SCCPDH: variants seen among roughly 807,000 people sequenced by gnomAD.
The protein encoded by SCCPDH is saccharopine dehydrogenase (putative).
Under a neutral mutation model 51.5 loss-of-function variants are expected in SCCPDH, and 34 were observed. The ratio of observed to expected loss-of-function variants is 0.66; its 90% confidence interval spans 0.50 to 0.88. SCCPDH has a LOEUF of 0.88. Among genes scored for constraint, SCCPDH ranks in the 40% least tolerant of loss-of-function variants. The pLI, the probability that SCCPDH is intolerant of heterozygous loss-of-function variation, is 0.00. For missense variants in SCCPDH, 464 were observed against 527.1 expected, an observed-to-expected ratio of 0.88 and a Z score of 1.17; for synonymous variants, 187 against 191.3, an observed-to-expected ratio of 0.98 and a Z score of 0.19.
intron 9 of SCCPDH, 142 bp downstream of exon 9, chr1:246,760,369 C>T: frequency 1.5e-6 from 1 of 687,186 alleles, no homozygotes; most frequent in Non-Finnish European, 2.4e-6. Context: ...TTTTCAAACA[C>T]CCCTTGAATG....
At chr1:246,744,001 T>G in intron 4 of SCCPDH, 75 bp from the exon 5 acceptor site, 1 of 854,186 alleles carries the variant, frequency 1.2e-6, no homozygotes, top group Non-Finnish European at 1.9e-6. Flanking sequence ...TGAATACGCA[T>G]TGTTTATTAT....
rs199556011 is a variant in SCCPDH, at chr1:246,741,403, G to C, written c.514+1102G>C. ...TAACGAATGCCTGGGCTCAGGCAGT[G>C]CTCCCTCCACAACCTCCTAAGTAGC... On this transcript the variant is annotated intron_variant, in intron 4 of 11. Coordinates refer to ENST00000366510, the MANE Select transcript of SCCPDH (RefSeq NM_016002.3). Among the ~76,000 whole-genome samples the C allele has an allele frequency of 3.3e-5, 5 of 152,262 alleles. No homozygotes were observed. The East Asian group carries it at 9.7e-4, about 29-fold the overall frequency.
intron 5 of SCCPDH, among the ~76,000 whole-genome samples, chr1:246,757,432 C>T (rs573805858): frequency 2.4e-4 from 36 of 150,608 alleles, no homozygotes; most frequent in African/African-American, 8.3e-4. Flanking sequence ...ACTCGTTTCT[C>T]GGTGGCGCTA....
Position 246,732,223 on chromosome 1 carries a change from C to T in SCCPDH, c.304-3752C>T, listed in dbSNP as rs550460258. On this transcript the variant is annotated intron_variant, in intron 2 of 11. Transcript: ENST00000366510. Reference sequence around the variant, plus strand: ...ATTTGGAGATGGGGCTAGCTGGCTGCAGTATAACCAGTTAGGGCCTATTTA... The same window carrying T: ...ATTTGGAGATGGGGCTAGCTGGCTGTAGTATAACCAGTTAGGGCCTATTTA... Among the ~76,000 whole-genome samples the T allele has an allele frequency of 4.4e-4, 67 of 152,180 alleles. No homozygotes were observed. The South Asian group carries it at 5.0e-3, about 11-fold the overall frequency.
At chr1:246,740,487 A>T (rs1668660339) in intron 4 of SCCPDH, among the ~76,000 whole-genome samples, 186 bp downstream of exon 4, 1 of 152,236 alleles carries the variant, frequency 6.6e-6, no homozygotes, top group Non-Finnish European at 1.5e-5. Flanking sequence ...ACTATTGTTG[A>T]GACATGGATA....
At chr1:246,762,841 CAAAAAAAA>C (rs35066232) in intron 9 of SCCPDH, among the ~76,000 whole-genome samples, 5 of 90,940 alleles carry the variant, frequency 5.5e-5, no homozygotes, top group African/African-American at 8.3e-5. Context: ...ATTCCTTCTC[CAAAAAAAA>C]AAAAAAAAAA....
intron 1 of SCCPDH, 21 bp downstream of exon 1, chr1:246,724,633 G>C: frequency 1.4e-6 from 2 of 1,440,714 alleles, no homozygotes; most frequent in Non-Finnish European, 1.8e-6. Flanking sequence ...GGGGCGGGAC[G>C]GGGCTGCGCG....
chr1:246,745,920 A>G (rs200467946), intron 5 of SCCPDH, among the ~76,000 whole-genome samples: 1 of 151,976 alleles, frequency 6.6e-6, no homozygotes, highest in African/African-American at 2.4e-5. Context: ...CATCCTGGCT[A>G]ACACGGTGAA....
At chr1:246,743,911 T>C (rs571056965) in intron 4 of SCCPDH, among the ~76,000 whole-genome samples, 165 bp from the exon 5 acceptor site, 1 of 152,376 alleles carries the variant, frequency 6.6e-6, no homozygotes, top group East Asian at 1.9e-4. Flanking sequence ...TTCGTAAGTC[T>C]GTGTACAAAA....
intron 4 of SCCPDH, among the ~76,000 whole-genome samples, 179 bp downstream of exon 4, chr1:246,740,480 A>G (rs763686766): frequency 1.1e-4 from 17 of 152,194 alleles, no homozygotes; most frequent in Non-Finnish European, 2.2e-4. Flanking sequence ...TATTGAGACT[A>G]TTGTTGAGAC....
At chr1:246,759,906 G>C in intron 7 of SCCPDH, 51 bp from the exon 8 acceptor site, 1 of 1,567,462 alleles carries the variant, frequency 6.4e-7, no homozygotes, top group South Asian at 1.2e-5. Context: ...ATTCTTACTT[G>C]GTCCAAAATG....
intron 1 of SCCPDH, 52 bp from the exon 2 acceptor site, chr1:246,726,840 A>G: frequency 8.0e-7 from 1 of 1,247,596 alleles, no homozygotes; most frequent in South Asian, 1.2e-5. Flanking sequence ...AAGATAAGGA[A>G]GATATAATCC....
chr1:246,758,307 G>A lies in SCCPDH; in HGVS notation c.646G>A (p.Val216Ile), dbSNP rs1308663015. Residue 216 changes from valine to isoleucine, a missense_variant, in exon 6 of 12, where the codon GTA becomes ATA. By Grantham distance (29) the Val-to-Ile change is conservative. Coordinates refer to ENST00000366510, the MANE Select transcript of SCCPDH (RefSeq NM_016002.3). Reference sequence around the variant, plus strand: ...GAGTAATTTGAGAAAACTAAGAAATGTATCAAATCTGAAACCTGTCCCGCT... The same window carrying A: ...GAGTAATTTGAGAAAACTAAGAAATATATCAAATCTGAAACCTGTCCCGCT... ...DQSNLRKLRNVSNLKPVPLIG... is the reference protein window; with the variant it reads ...DQSNLRKLRNISNLKPVPLIG... 6.2e-7 allele frequency: 1 copy of A among 1,610,620 alleles called. No homozygotes were observed. The highest frequency in any genetic ancestry group is 2.2e-5 in the East Asian group (1 of 44,628).
intron 9 of SCCPDH, 108 bp downstream of exon 9, chr1:246,760,335 T>C (rs1383209822): frequency 1.2e-5 from 11 of 884,192 alleles, no homozygotes; most frequent in Non-Finnish European, 1.9e-5. Context: ...TTTAAGTTCT[T>C]TATGTAAATT....
intron 11 of SCCPDH, among the ~76,000 whole-genome samples, chr1:246,766,799 A>G (rs1046407376): frequency 2.6e-5 from 4 of 152,316 alleles, no homozygotes; most frequent in South Asian, 2.1e-4. Context: ...TTTTCATCCA[A>G]TTTAAGTTCT....
At position 246,767,839 on chromosome 1, in the gene SCCPDH, G is replaced by A. The variant is rs1572311178; in HGVS notation, c.*539G>A. 6.6e-6 allele frequency: 1 copy of A among 152,208 alleles called. No individual in the cohort carries two copies. Among genetic ancestry groups the A allele is most frequent in the South Asian group, 2.1e-4 (1 of 4,830 alleles). The allele number at this position is 152,208 out of a possible 1,614,324, so 9.4% of individuals were successfully genotyped here. On this transcript the variant is annotated 3_prime_UTR_variant, in exon 12 of 12. Transcript: ENST00000366510. Reference sequence around the variant, plus strand: ...ATAAAAGGTTGTCAATCGAATGGTGGTTTAATGTTTGGACCTGCCGATGTA... The same window carrying A: ...ATAAAAGGTTGTCAATCGAATGGTGATTTAATGTTTGGACCTGCCGATGTA...
At chr1:246,760,450 A>G (rs748392956) in intron 9 of SCCPDH, among the ~76,000 whole-genome samples, 1 of 152,196 alleles carries the variant, frequency 6.6e-6, no homozygotes, top group Non-Finnish European at 1.5e-5. Context: ...AACTTGCCCA[A>G]GTTTCTCCAG....
At chr1:246,728,458 C>T (rs1017761285) in intron 2 of SCCPDH, among the ~76,000 whole-genome samples, 1 of 152,142 alleles carries the variant, frequency 6.6e-6, no homozygotes, top group African/African-American at 2.4e-5. Context: ...TTCACCTGAA[C>T]ATGAGTAACA....
At chr1:246,735,041 C>T (rs995880718) in intron 2 of SCCPDH, among the ~76,000 whole-genome samples, 4 of 152,178 alleles carry the variant, frequency 2.6e-5, no homozygotes, top group African/African-American at 9.7e-5. Flanking sequence ...GCCCCCATGT[C>T]CAGCCCAGCT....
Sources: gnomAD v4.1 joint callset for allele counts (sites outside exome capture counted in the v4.1 genomes callset) on GRCh38, gnomAD v4.1.1 for gene constraint, MANE v1.5 for transcripts, NCBI Gene and HGNC (gene_info 2026-07-23, HGNC 2026-07-21) for gene names.